MEGF11: variants seen among roughly 807,000 people sequenced by gnomAD.
MEGF11 encodes multiple epidermal growth factor-like domains protein 11.
In MEGF11, 126 loss-of-function variants were observed where a neutral mutation model predicts 146.6. That is an observed-to-expected ratio of 0.86 (90% confidence interval 0.74 to 1.00). MEGF11 has a LOEUF of 1.00. MEGF11 is among the 50% of genes least tolerant of loss of function. The pLI, the probability that MEGF11 is intolerant of heterozygous loss-of-function variation, is 0.00. For synonymous variants in MEGF11, 532 were observed against 583.4 expected (o/e 0.91, Z 1.27); for missense variants, 1,509 against 1,521.2 (o/e 0.99, Z 0.13).
intron 1 of MEGF11, among the ~76,000 whole-genome samples, chr15:66,180,304 C>T (rs1219738716): frequency 6.6e-6 from 1 of 152,148 alleles, no homozygotes; most frequent in Non-Finnish European, 1.5e-5. Flanking sequence ...ACCCCTAGGA[C>T]CTGAGGTTTG....
chr15:66,188,638 G>A (rs2090778654), intron 1 of MEGF11, among the ~76,000 whole-genome samples: 1 of 152,160 alleles, frequency 6.6e-6, no homozygotes, highest in African/African-American at 2.4e-5. Flanking sequence ...CCCTGCAGCT[G>A]GGAGCACCAG....
chr15:66,094,565 A>G (rs991033970), intron 4 of MEGF11, 71 bp from the exon 5 acceptor site: 4 of 1,356,978 alleles, frequency 2.9e-6, no homozygotes, highest in South Asian at 1.3e-5. Flanking sequence ...GTCAAGGAGC[A>G]TAATCCATTT....
intron 3 of MEGF11, 130 bp downstream of exon 3, chr15:66,123,769 G>A: frequency 2.8e-6 from 2 of 709,874 alleles, no homozygotes; most frequent in South Asian, 3.4e-5. Context: ...CATCAGCAGA[G>A]CATCTTGGGT....
At chr15:66,053,075 C>A (rs970077232) in intron 5 of MEGF11, among the ~76,000 whole-genome samples, 24 of 152,062 alleles carry the variant, frequency 1.6e-4, no homozygotes, top group Admixed American at 1.4e-3. Context: ...TGGATGGATG[C>A]ATGAGTGGCA....
At chr15:66,115,032 T>C (rs774597734) in intron 4 of MEGF11, among the ~76,000 whole-genome samples, 2 of 152,186 alleles carry the variant, frequency 1.3e-5, no homozygotes, top group East Asian at 3.9e-4. Context: ...GCAGAGCAAG[T>C]TGGTGGCTGA....
chr15:66,137,677 C>T (rs1251482753), intron 1 of MEGF11, among the ~76,000 whole-genome samples: 3 of 151,570 alleles, frequency 2.0e-5, no homozygotes, highest in Admixed American at 2.0e-4. Flanking sequence ...CCTCAGCCTT[C>T]CTAGTAGCTG....
chr15:66,202,543 T>C (rs28688502), intron 1 of MEGF11, among the ~76,000 whole-genome samples: 76,159 of 152,072 alleles, frequency 0.5, 19,307 homozygotes, highest in East Asian at 0.6. Flanking sequence ...CCCCTAGGGG[T>C]GGCCCTGGCC....
chr15:66,214,089 G>A (rs1414660506), intron 1 of MEGF11, among the ~76,000 whole-genome samples: 2 of 142,928 alleles, frequency 1.4e-5, no homozygotes, highest in Non-Finnish European at 3.0e-5. Flanking sequence ...AGGCTGGAGT[G>A]CAGTGGCACA....
intron 5 of MEGF11, among the ~76,000 whole-genome samples, chr15:66,041,933 A>G (rs1477598363): frequency 2.6e-5 from 4 of 152,080 alleles, no homozygotes; most frequent in African/African-American, 9.7e-5. Context: ...CCATGCTCTT[A>G]AAAACCAAAT....
intron 5 of MEGF11, among the ~76,000 whole-genome samples, chr15:66,052,960 T>G (rs528071314): frequency 6.6e-6 from 1 of 152,224 alleles, no homozygotes; most frequent in East Asian, 1.9e-4. Flanking sequence ...CAACTTAGGA[T>G]CTTGATGACC....
At chr15:65,999,457 T>C (rs1393128160) in intron 5 of MEGF11, among the ~76,000 whole-genome samples, 1 of 152,224 alleles carries the variant, frequency 6.6e-6, no homozygotes, top group African/African-American at 2.4e-5. Context: ...AGAACCTTCC[T>C]GCTTCCTCCA....
chr15:66,021,973 G>A (rs753514240), intron 5 of MEGF11, among the ~76,000 whole-genome samples: 16 of 152,232 alleles, frequency 1.1e-4, no homozygotes, highest in Non-Finnish European at 8.8e-5. Context: ...CGGGCACAGG[G>A]AGGAACAAGC....
chr15:65,963,929 C>T (rs1259528599), intron 9 of MEGF11, among the ~76,000 whole-genome samples: 2 of 152,226 alleles, frequency 1.3e-5, no homozygotes, highest in Non-Finnish European at 2.9e-5. Flanking sequence ...CTGGCCGTCC[C>T]AGCGACAGGG....
intron 10 of MEGF11, among the ~76,000 whole-genome samples, chr15:65,932,356 C>T (rs112401183): frequency 2.8e-4 from 43 of 152,284 alleles, no homozygotes; most frequent in African/African-American, 8.9e-4. Context: ...AAATTTCTGG[C>T]AGCTGGGGAA....
chr15:65,996,482 C>CTT (rs11330825), intron 5 of MEGF11, among the ~76,000 whole-genome samples: 25 of 145,754 alleles, frequency 1.7e-4, no homozygotes, highest in African/African-American at 6.4e-4. Flanking sequence ...CTCTAGCACA[C>CTT]TTTTTTTTTT....
intron 1 of MEGF11, among the ~76,000 whole-genome samples, chr15:66,129,840 G>A (rs2088563958): frequency 6.6e-6 from 1 of 152,150 alleles, no homozygotes. Flanking sequence ...TATAACCGTG[G>A]GGGTCTAAAT....
At chr15:66,226,496 C>G (rs2091855524) in intron 1 of MEGF11, among the ~76,000 whole-genome samples, 1 of 152,156 alleles carries the variant, frequency 6.6e-6, no homozygotes, top group Non-Finnish European at 1.5e-5. Context: ...GATTCACCCA[C>G]CTCGGCCTCC....
In MEGF11 at chr15:66,008,405, GCGCGCGCACACA is replaced by G. The variant is rs1300486207; in HGVS notation, c.395-25929_395-25918del. 2.0e-3 allele frequency among the ~76,000 whole-genome samples: 36 copies of G among 18,104 alleles called. No individual in the cohort carries two copies. In the East Asian group the frequency reaches 0.076, roughly 38 times the overall value. The allele number at this position is 18,104 out of a possible 152,430, so 11.9% of individuals were successfully genotyped here. On this transcript the variant is annotated intron_variant, in intron 5 of 25. Coordinates refer to ENST00000395614, the MANE Select transcript of MEGF11 (RefSeq NM_001385028.1). ...CACGATGAAACACACATGCACACGC[GCGCGCGCACACA>G]CACACACACACACACACACACACAC...
chr15:66,153,093 T>C (rs907033333), intron 1 of MEGF11, among the ~76,000 whole-genome samples: 2 of 152,154 alleles, frequency 1.3e-5, no homozygotes, highest in African/African-American at 4.8e-5. Context: ...CCACACTCAG[T>C]CCTTTTTGCT....
Sources: gnomAD v4.1 joint callset for allele counts (sites outside exome capture counted in the v4.1 genomes callset) on GRCh38, gnomAD v4.1.1 for gene constraint, MANE v1.5 for transcripts, NCBI Gene and HGNC (gene_info 2026-07-23, HGNC 2026-07-21) for gene names.